Variants in RAB38 observed in about 807,000 individuals in gnomAD.
The protein encoded by RAB38 is RAB38, member RAS oncogene family, also known as ras-related protein Rab-38.
In RAB38, 15 loss-of-function variants were observed where a neutral mutation model predicts 18.4. The ratio of observed to expected loss-of-function variants is 0.82; its 90% CI spans 0.55 to 1.26. The LOEUF is 1.26. Among genes scored for constraint, RAB38 ranks in the 50% most tolerant of loss-of-function variants. The pLI is 0.00. For missense variants in RAB38, 294 were observed against 267.4 expected (o/e 1.10, Z -0.69); for synonymous variants, 101 against 104.4 (o/e 0.97, Z 0.20).
the RAB38 span, among the ~76,000 whole-genome samples, chr11:87,821,489 A>G: frequency 1.3e-5 from 2 of 152,198 alleles, no homozygotes; most frequent in South Asian, 4.1e-4. Flanking sequence ...TTCTTCTCAA[A>G]TGTAACTGCA....
chr11:87,949,414 T>G, the RAB38 span, among the ~76,000 whole-genome samples: 3 of 152,226 alleles, frequency 2.0e-5, no homozygotes, highest in South Asian at 6.2e-4. Flanking sequence ...ATCTTAGTTA[T>G]TTCTTGCCTT....
chr11:88,044,703 G>C, the RAB38 span, among the ~76,000 whole-genome samples: 3 of 151,936 alleles, frequency 2.0e-5, no homozygotes, highest in African/African-American at 7.3e-5. Flanking sequence ...TTCCCAATGC[G>C]ACTCATCCCA....
the RAB38 span, among the ~76,000 whole-genome samples, chr11:87,959,474 G>T: frequency 1.2e-4 from 19 of 152,042 alleles, no homozygotes; most frequent in African/African-American, 3.4e-4. Context: ...TCCATCTCAC[G>T]TTAGCATTTG....
chr11:88,061,811 TGTCACTACAAGAAAATGGTCAGG>T, the RAB38 span: 1 of 152,070 alleles, frequency 6.6e-6, no homozygotes, highest in African/African-American at 2.4e-5. Context: ...TATGCGGAGG[TGTCACTACAAGAAAATGGTCAGG>T]GTCACTTTGC....
chr11:87,857,617 A>C, the RAB38 span, among the ~76,000 whole-genome samples: 2 of 152,204 alleles, frequency 1.3e-5, no homozygotes, highest in Non-Finnish European at 2.9e-5. Flanking sequence ...ATGGCCAGTG[A>C]TGATGAGAAT....
chr11:88,024,241 T>C, the RAB38 span, among the ~76,000 whole-genome samples: 1 of 152,140 alleles, frequency 6.6e-6, no homozygotes, highest in Non-Finnish European at 1.5e-5. Context: ...AATAGACATT[T>C]CTCAAAAGAA....
the RAB38 span, among the ~76,000 whole-genome samples, chr11:88,033,273 T>A: frequency 6.6e-6 from 1 of 151,986 alleles, no homozygotes; most frequent in East Asian, 1.9e-4. Flanking sequence ...ATATACCTAA[T>A]GCTAGATGAC....
chr11:87,885,767 T>A, the RAB38 span, among the ~76,000 whole-genome samples: 2 of 152,000 alleles, frequency 1.3e-5, no homozygotes, highest in Admixed American at 6.6e-5. Context: ...TGGGGACCAG[T>A]TGCCTTGTGG....
chr11:87,952,534 A>G, the RAB38 span, among the ~76,000 whole-genome samples: 1 of 152,184 alleles, frequency 6.6e-6, no homozygotes, highest in Non-Finnish European at 1.5e-5. Flanking sequence ...TTCACCCTGC[A>G]TTGGGCAGGG....
intron 2 of RAB38, among the ~76,000 whole-genome samples, chr11:88,119,158 T>G (rs1942597704): frequency 6.6e-6 from 1 of 152,048 alleles, no homozygotes; most frequent in Non-Finnish European, 1.5e-5. Flanking sequence ...AAAACAAATA[T>G]GTTACCAGGG....
At chr11:87,806,324 A>G in the RAB38 span, among the ~76,000 whole-genome samples, 2 of 152,272 alleles carry the variant, frequency 1.3e-5, 1 homozygote, top group East Asian at 3.9e-4. Context: ...CAGCAGATTC[A>G]GTGTCTGGTG....
intron 1 of RAB38, among the ~76,000 whole-genome samples, chr11:88,154,472 G>A (rs1262449494): frequency 2.6e-5 from 4 of 152,152 alleles, no homozygotes; most frequent in South Asian, 2.1e-4. Context: ...CCAGCTTGGC[G>A]ATCTGGAACC....
At chr11:88,030,394 G>A in the RAB38 span, among the ~76,000 whole-genome samples, 1 of 152,108 alleles carries the variant, frequency 6.6e-6, no homozygotes, top group African/African-American at 2.4e-5. Flanking sequence ...AGAACTGAAG[G>A]AAATAGAGAC....
chr11:87,967,018 T>C, the RAB38 span, among the ~76,000 whole-genome samples: 1 of 152,234 alleles, frequency 6.6e-6, no homozygotes, highest in Admixed American at 6.5e-5. Context: ...CAGCCAGGCA[T>C]GGATAATCCC....
At chr11:87,976,006 G>A in the RAB38 span, among the ~76,000 whole-genome samples, 1 of 150,852 alleles carries the variant, frequency 6.6e-6, no homozygotes, top group Non-Finnish European at 1.5e-5. Flanking sequence ...ACATACTAAA[G>A]TCAACACAAA....
chr11:88,027,431 T>C, the RAB38 span, among the ~76,000 whole-genome samples: 1 of 152,142 alleles, frequency 6.6e-6, no homozygotes, highest in African/African-American at 2.4e-5. Flanking sequence ...TTGCCTCACC[T>C]GGGAAGCACA....
the RAB38 span, among the ~76,000 whole-genome samples, chr11:87,855,514 T>A: frequency 1.3e-5 from 2 of 152,198 alleles, no homozygotes; most frequent in African/African-American, 4.8e-5. Context: ...TTTTATTTAA[T>A]CTAAATCATT....
At chr11:88,062,147 AT>A in the RAB38 span, 1 of 152,102 alleles carries the variant, frequency 6.6e-6, no homozygotes, top group African/African-American at 2.4e-5. Flanking sequence ...CCGAAATCTC[AT>A]CTTAAATTCT....
At chr11:88,106,455 C>T in the RAB38 span, among the ~76,000 whole-genome samples, 1 of 152,264 alleles carries the variant, frequency 6.6e-6, no homozygotes, top group East Asian at 1.9e-4. Flanking sequence ...AAAAAAAACA[C>T]ACTTTCATAA....
Sources: gnomAD v4.1 joint callset for allele counts (sites outside exome capture counted in the v4.1 genomes callset) on GRCh38, gnomAD v4.1.1 for gene constraint, MANE v1.5 for transcripts, NCBI Gene and HGNC (gene_info 2026-07-23, HGNC 2026-07-21) for gene names.